BRINP1: variants seen among roughly 807,000 people sequenced by gnomAD.
BRINP1 encodes BMP/retinoic acid-inducible neural-specific protein 1.
A neutral mutation model predicts 72.9 loss-of-function variants in BRINP1; 17 were observed. The observed-to-expected ratio is 0.23, with a 90% CI of 0.16 to 0.35. The LOEUF is 0.35. Among genes scored for constraint, BRINP1 ranks in the 10% least tolerant of loss-of-function variants. The pLI is 1.00. For synonymous variants in BRINP1, 418 were observed against 378.5 expected (o/e 1.10, Z -1.21); for missense variants, 850 against 1,001.6 (o/e 0.85, Z 2.04).
intron 1 of BRINP1, among the ~76,000 whole-genome samples, chr9:119,352,956 T>C (rs1831520670): frequency 6.6e-6 from 1 of 152,128 alleles, no homozygotes; most frequent in African/African-American, 2.4e-5. Flanking sequence ...GGCCAAAGTG[T>C]CTGTATTTGA....
intron 5 of BRINP1, among the ~76,000 whole-genome samples, chr9:119,229,495 T>C (rs960102683): frequency 6.6e-6 from 1 of 152,070 alleles, no homozygotes; most frequent in Admixed American, 6.6e-5. Flanking sequence ...CAGGGCCTTT[T>C]CTTGAAACCA....
Position 119,167,861 on chromosome 9 carries a change from G to A in BRINP1, c.1509C>T (p.Thr503=), listed in dbSNP as rs756958280. The A allele has an allele frequency of 1.9e-6, 3 of 1,614,070 alleles. No homozygotes were observed. In the South Asian group the frequency reaches 3.3e-5, roughly 18 times the overall value. ...GGCGGATCTCGTTGCTGATGAAGGTGGTGTGGACGTAGAGGCGTGAGTCCA... is the reference window on the plus strand; with the variant it reads ...GGCGGATCTCGTTGCTGATGAAGGTAGTGTGGACGTAGAGGCGTGAGTCCA... ...QKMDSRLYVH[T]TFISNEIRLD... The change falls in exon 8 of 8, where the codon ACC becomes ACT. Residue 503 remains threonine (T), a synonymous_variant. Coordinates refer to ENST00000265922, the MANE Select transcript of BRINP1 (RefSeq NM_014618.3). This position sits in a 1 kb window ranked among gnomAD's most constrained non-coding sequence, Gnocchi z 4.3.
At chr9:119,236,257 C>A (rs1830190804) in intron 5 of BRINP1, among the ~76,000 whole-genome samples, 1 of 152,262 alleles carries the variant, frequency 6.6e-6, no homozygotes, top group Non-Finnish European at 1.5e-5. Context: ...TACTCTAACC[C>A]ATCTAGGGTA....
intron 2 of BRINP1, 40 bp from the exon 3 acceptor site, chr9:119,249,190 C>A: frequency 6.3e-7 from 1 of 1,581,916 alleles, no homozygotes; most frequent in South Asian, 1.1e-5. Flanking sequence ...AACTTACCAC[C>A]ATTACCCTTA....
At chr9:119,183,645 A>T (rs975844602) in intron 7 of BRINP1, among the ~76,000 whole-genome samples, 2 of 152,242 alleles carry the variant, frequency 1.3e-5, no homozygotes, top group Admixed American at 1.3e-4. Flanking sequence ...AATATTTACC[A>T]AAAAGATTGT....
At chr9:119,317,734 C>T (rs1256963280) in intron 1 of BRINP1, among the ~76,000 whole-genome samples, 5 of 152,176 alleles carry the variant, frequency 3.3e-5, no homozygotes, top group Non-Finnish European at 5.9e-5. Flanking sequence ...TAAGAAATTG[C>T]CACTGCCACC....
intron 2 of BRINP1, among the ~76,000 whole-genome samples, chr9:119,250,516 T>A (rs895971227): frequency 4.6e-5 from 7 of 152,254 alleles, no homozygotes; most frequent in Non-Finnish European, 1.0e-4. Flanking sequence ...CTACTGCTGA[T>A]GCAGGAATTA....
intron 2 of BRINP1, among the ~76,000 whole-genome samples, chr9:119,278,752 G>A (rs908528353): frequency 6.6e-6 from 1 of 152,070 alleles, no homozygotes; most frequent in African/African-American, 2.4e-5. Flanking sequence ...GCTGGGCGTG[G>A]TGGTGCGTGC....
At chr9:119,367,393 T>C (rs1831706521) in intron 1 of BRINP1, among the ~76,000 whole-genome samples, 1 of 151,748 alleles carries the variant, frequency 6.6e-6, no homozygotes, top group Non-Finnish European at 1.5e-5. Context: ...CCTCCCTGCC[T>C]GAGAGCAGAA....
intron 1 of BRINP1, among the ~76,000 whole-genome samples, chr9:119,364,728 G>T (rs1831673656): frequency 6.6e-6 from 1 of 152,204 alleles, no homozygotes; most frequent in Admixed American, 6.5e-5. Flanking sequence ...TGTAAAAGGG[G>T]CTGTATCTGT....
At chr9:119,300,523 C>CA (rs1564242545) in intron 2 of BRINP1, among the ~76,000 whole-genome samples, 2 of 152,086 alleles carry the variant, frequency 1.3e-5, no homozygotes, top group East Asian at 1.9e-4. Flanking sequence ...GAATTAAGAA[C>CA]AAAAAATTAA....
At chr9:119,217,127 C>T (rs1238330822) in intron 5 of BRINP1, among the ~76,000 whole-genome samples, 2 of 152,218 alleles carry the variant, frequency 1.3e-5, no homozygotes. Context: ...ACAGAGTCGT[C>T]TCCTGATGGC....
chr9:119,285,396 C>T (rs941816273), intron 2 of BRINP1, among the ~76,000 whole-genome samples: 9 of 152,064 alleles, frequency 5.9e-5, no homozygotes, highest in African/African-American at 2.2e-4. Context: ...TTGATTCAAC[C>T]ATTTATATCC....
At chr9:119,197,360 A>C (rs956760882) in intron 7 of BRINP1, among the ~76,000 whole-genome samples, 1 of 152,194 alleles carries the variant, frequency 6.6e-6, no homozygotes, top group Non-Finnish European at 1.5e-5. Flanking sequence ...AACTCTGTCT[A>C]TAATATAGGA....
intron 1 of BRINP1, among the ~76,000 whole-genome samples, chr9:119,338,325 T>A (rs1831369876): frequency 6.7e-6 from 1 of 150,204 alleles, no homozygotes; most frequent in Non-Finnish European, 1.5e-5. Context: ...TGACCATGCA[T>A]CATGCATTAC....
chr9:119,260,994 G>A (rs1830489564), intron 2 of BRINP1, among the ~76,000 whole-genome samples: 2 of 152,060 alleles, frequency 1.3e-5, no homozygotes, highest in Admixed American at 6.6e-5. Flanking sequence ...AGGAATAATT[G>A]ACAGCAATTA....
At chr9:119,246,765 G>A (rs1830324129) in intron 3 of BRINP1, among the ~76,000 whole-genome samples, 1 of 152,122 alleles carries the variant, frequency 6.6e-6, no homozygotes, top group Admixed American at 6.5e-5. Flanking sequence ...TTTTCCATAA[G>A]TGAATGAATG....
In BRINP1 at chr9:119,167,408, G is replaced by A. The variant is rs750068438; in HGVS notation, c.1962C>T (p.Asp654=). The A allele has an allele frequency of 5.0e-6, 8 of 1,613,912 alleles. No homozygotes were observed. The highest frequency in any genetic ancestry group is 3.3e-5 in the Admixed American group (2 of 59,998). Residue 654 remains aspartate (D), a synonymous_variant, in exon 8 of 8, where the codon GAC becomes GAT. Coordinates refer to ENST00000265922, the MANE Select transcript of BRINP1 (RefSeq NM_014618.3). The surrounding 1 kb of genome is among the most constrained non-coding windows in gnomAD (Gnocchi z 4.3). ...TCAGGCTATACCCAAACACCTGCAC[G>A]TCTGAGATCTTGATGTAGAACTGCC... ...SKRQFYIKIS[D]VQVFGYSLRF...
At chr9:119,262,393 G>C (rs898121597) in intron 2 of BRINP1, among the ~76,000 whole-genome samples, 2 of 152,056 alleles carry the variant, frequency 1.3e-5, no homozygotes, top group Admixed American at 6.6e-5. Context: ...CAGCACTTTG[G>C]GAGGTCGAGG....
Sources: gnomAD v4.1 joint callset for allele counts (sites outside exome capture counted in the v4.1 genomes callset) on GRCh38, gnomAD v4.1.1 for gene constraint, Gnocchi (gnomAD v3.1) non-coding constraint, MANE v1.5 for transcripts, NCBI Gene and HGNC (gene_info 2026-07-23, HGNC 2026-07-21) for gene names.